The following PTPN18 variants were observed in gnomAD, a reference collection of about 807,000 sequenced individuals.
The protein encoded by PTPN18 is tyrosine-protein phosphatase non-receptor type 18.
Under a neutral mutation model 65.4 loss-of-function variants are expected in PTPN18, and 65 were observed. The ratio of observed to expected loss-of-function variants is 0.99; its 90% CI spans 0.81 to 1.22. The LOEUF (loss-of-function observed/expected upper bound fraction) is 1.22, where lower values mean the gene tolerates loss of function less well. Ranked by LOEUF, PTPN18 falls within the 50% of genes most tolerant of loss-of-function variation. PTPN18 has a pLI of 0.00. For synonymous variants in PTPN18, 255 were observed against 267.8 expected (o/e 0.95, Z 0.47); for missense variants, 616 against 646.5 (o/e 0.95, Z 0.51).
At position 130,371,303 on chromosome 2, in the gene PTPN18, C is replaced by T. The variant is rs1408190854; in HGVS notation, c.1013+16C>T. On this transcript the variant is annotated intron_variant, in intron 12 of 14. Transcript: ENST00000175756. Reference sequence around the variant, plus strand: ...GGGTCCTCAGGTACCCGGCTCCATCCCCGGATTCTTCCCTGCCCAATTTCT... The same window carrying T: ...GGGTCCTCAGGTACCCGGCTCCATCTCCGGATTCTTCCCTGCCCAATTTCT... The T allele has an allele frequency of 1.3e-6, 2 of 1,551,802 alleles. No individual in the cohort carries two copies. Among genetic ancestry groups the T allele is most frequent in the Non-Finnish European group, 1.8e-6 (2 of 1,132,722 alleles).
Position 130,358,900 on chromosome 2 carries a change from G to C in PTPN18, c.127G>C (p.Asp43His), listed in dbSNP as rs1558840350. 1.2e-6 allele frequency: 2 copies of C among 1,613,970 alleles called. No individual in the cohort carries two copies. Among genetic ancestry groups the C allele is most frequent in the Non-Finnish European group, 1.7e-6 (2 of 1,179,840 alleles). Residue 43 changes from aspartate to histidine, a missense_variant, in exon 2 of 15, where the codon GAC becomes CAC. Around this residue, in one of 3 missense-constraint regions of PTPN18, gnomAD observed 223 missense variants for 210.0 expected, o/e 1.06. Transcript: ENST00000175756. ...IQACSAAWKA[D>H]GVCSTVAGSR... Reference sequence around the variant, plus strand: ...GGCCTGCTCGGCCGCCTGGAAGGCTGACGGCGTGTGCTCCACCGTGGCCGG... The same window carrying C: ...GGCCTGCTCGGCCGCCTGGAAGGCTCACGGCGTGTGCTCCACCGTGGCCGG...
rs770040708 is a variant in PTPN18 at position 130,370,929 on chromosome 2, C to T, written c.889C>T (p.Gln297Ter). ...TVAQMFCSTL[Q>*]NASPHYQNIK... is the part of the protein sequence containing the mutation. The stretch of plus-strand genomic sequence containing the variant: ...GGCTCAGATGTTCTGCTCCACACTC[C>T]AGAATGCCAGCCCCCACTACCAGAA... Residue 297 changes from glutamine (Q) to a stop codon, truncating the protein, a stop_gained, in exon 11 of 15, where the codon CAG becomes TAG. Coordinates refer to ENST00000175756, the MANE Select transcript of PTPN18 (RefSeq NM_014369.4). LOFTEE classifies it high-confidence loss of function. 2 of 1,614,164 alleles carry T rather than the reference C, an allele frequency of 1.2e-6. No individual in the cohort carries two copies. Among genetic ancestry groups the T allele is most frequent in the Admixed American group, 3.3e-5 (2 of 60,024 alleles).
intron 11 of PTPN18, 89 bp from the exon 12 acceptor site, chr2:130,371,110 G>C (rs1680550268): frequency 7.2e-7 from 1 of 1,395,240 alleles, no homozygotes; most frequent in East Asian, 2.3e-5. Flanking sequence ...TCCTTATCAG[G>C]CTCTCCCATC....
intron 4 of PTPN18, 41 bp downstream of exon 4, chr2:130,359,533 C>T (rs370830930): frequency 9.9e-6 from 16 of 1,612,222 alleles, no homozygotes; most frequent in Non-Finnish European, 2.5e-6. Context: ...GGGTCAACAT[C>T]TAAGTACCCC....
chr2:130,361,649 G>A lies in PTPN18; in HGVS notation c.414+2003G>A, dbSNP rs945315494. On this transcript the variant is annotated intron_variant, in intron 5 of 14. Transcript: ENST00000175756. Reference sequence around the variant, plus strand: ...GTCACCCAGGCTGGAGTTCAATGGCGCGATCTTGGCTCACTGCAACCTTTG... The same window carrying A: ...GTCACCCAGGCTGGAGTTCAATGGCACGATCTTGGCTCACTGCAACCTTTG... Among the ~76,000 whole-genome samples, 13 of 150,356 alleles carry A rather than the reference G, an allele frequency of 8.6e-5. No homozygotes were observed. The East Asian group carries it at 9.8e-4, about 11-fold the overall frequency.
In PTPN18 at chr2:130,361,567, C is replaced by CTTTCT. The variant is rs1558842357; in HGVS notation, c.414+1924_414+1928dup. On this transcript the variant is annotated intron_variant, in intron 5 of 14. Coordinates refer to ENST00000175756, the MANE Select transcript of PTPN18 (RefSeq NM_014369.4). ...CTTTCTTTCTTTCTTTCTTTCTTTC[C>CTTTCT]TTTCTTTCCTTTCTTTCCTTTCTTT... is the stretch of plus-strand genomic sequence containing the variant. 2.0e-4 allele frequency among the ~76,000 whole-genome samples: 17 copies of CTTTCT among 87,026 alleles called. No homozygotes were observed. The East Asian group carries it at 6.8e-3, about 35-fold the overall frequency. The allele number at this position is 87,026 out of a possible 152,430, so 57.1% of individuals were successfully genotyped here. A position where few individuals can be genotyped will look rare whatever the true frequency, so the allele number is the denominator to read the frequency against.
Position 130,358,968 on chromosome 2 carries a change from G to A in PTPN18, c.195G>A (p.Val65=), listed in dbSNP as rs1230967601. 3 of 1,613,936 alleles carry A rather than the reference G, an allele frequency of 1.9e-6. No homozygotes were observed. Among genetic ancestry groups the A allele is most frequent in the Non-Finnish European group, 2.5e-6 (3 of 1,179,804 alleles). Residue 65 remains valine, a synonymous_variant, in exon 2 of 15, where the codon GTG becomes GTA. Coordinates refer to ENST00000175756, the MANE Select transcript of PTPN18 (RefSeq NM_014369.4). Reference sequence around the variant, plus strand: ...TGAGGAAGAACCGCTACAAAGACGTGCTGCCTTGTAAGTCGGGGCTTCCGT... The same window carrying A: ...TGAGGAAGAACCGCTACAAAGACGTACTGCCTTGTAAGTCGGGGCTTCCGT... ...ENVRKNRYKD[V]LPYDQTRVIL...
chr2:130,374,460 G>A lies in PTPN18; in HGVS notation c.*1236G>A. The A allele has an allele frequency of 2.8e-6, 1 of 357,864 alleles. No homozygotes were observed. Among genetic ancestry groups the A allele is most frequent in the Non-Finnish European group, 5.6e-6 (1 of 177,318 alleles). 22.2% of individuals were successfully genotyped at this position (357,864 alleles called of 1,614,324 possible). A position where few individuals can be genotyped will look rare whatever the true frequency, so the allele number is the denominator to read the frequency against. On this transcript the variant is annotated 3_prime_UTR_variant, in exon 15 of 15. Coordinates refer to ENST00000175756, the MANE Select transcript of PTPN18 (RefSeq NM_014369.4). ...TGAGATTACAGGTGTGAGCCACCAGGCTCAGCCCCCTAAGATTTGAAACAC... is the reference window on the plus strand; with the variant it reads ...TGAGATTACAGGTGTGAGCCACCAGACTCAGCCCCCTAAGATTTGAAACAC...
rs1049094414 is a variant in PTPN18, at chr2:130,363,698, A to T, written c.414+4052A>T. Among the ~76,000 whole-genome samples, 19 of 152,292 alleles carry T rather than the reference A, an allele frequency of 1.2e-4. 1 individual carries two copies. The highest frequency in any genetic ancestry group is 9.8e-4 in the Admixed American group (15 of 15,300). The stretch of plus-strand genomic sequence containing the variant: ...CACATTTTACTTATTGGTTGACAGA[A>T]ATTGGGTTCTTTCTACTTTTTGGCT... On this transcript the variant is annotated intron_variant, in intron 5 of 14. Coordinates refer to ENST00000175756, the MANE Select transcript of PTPN18 (RefSeq NM_014369.4).
At position 130,373,618 on chromosome 2, in the gene PTPN18, T is replaced by A; in HGVS notation, c.*394T>A. 6.1e-6 allele frequency: 1 copy of A among 163,154 alleles called. No homozygotes were observed. The highest frequency in any genetic ancestry group is 1.3e-5 in the Non-Finnish European group (1 of 75,804). The allele number at this position is 163,154 out of a possible 1,614,324, so 10.1% of individuals were successfully genotyped here. A position where few individuals can be genotyped will look rare whatever the true frequency, so the allele number is the denominator to read the frequency against. ...ACCACACAGAGAAGTGGATGGACACTTCGCCATCCAGGCAGAACTAAGCCA... is the reference window on the plus strand; with the variant it reads ...ACCACACAGAGAAGTGGATGGACACATCGCCATCCAGGCAGAACTAAGCCA... On this transcript the variant is annotated 3_prime_UTR_variant, in exon 15 of 15. Transcript: ENST00000175756. The surrounding 1 kb of genome is among the most constrained non-coding windows in gnomAD (Gnocchi z 4.1).
intron 5 of PTPN18, among the ~76,000 whole-genome samples, chr2:130,361,624 G>A (rs925961668): frequency 4.2e-5 from 6 of 142,732 alleles, no homozygotes; most frequent in African/African-American, 1.3e-4. Context: ...AGTTTCCCTC[G>A]TCACCCAGGC....
At position 130,370,631 on chromosome 2, in the gene PTPN18, A is replaced by G. The variant is rs1533566; in HGVS notation, c.756+8A>G. On this transcript the variant is annotated splice_region_variant and intron_variant, in intron 9 of 14. Coordinates refer to ENST00000175756, the MANE Select transcript of PTPN18 (RefSeq NM_014369.4). ...CAGCTGCTCCTGACCCAGGTACGAT[A>G]CAGGCATCCTGTGTGTGCAGTGTGC... 0.023 allele frequency: 36,854 copies of G among 1,613,940 alleles called. 7,118 individuals carry two copies. The African/African-American group carries it at 0.43, about 19-fold the overall frequency.
chr2:130,372,462 A>C lies in PTPN18; in HGVS notation c.1219A>C (p.Arg407=). The change falls in exon 13 of 15, where the codon AGG becomes CGG. Residue 407 remains arginine, a synonymous_variant. Coordinates refer to ENST00000175756, the MANE Select transcript of PTPN18 (RefSeq NM_014369.4). ...QRPGAHAEDA[R]GTLPGRVPAD... is the part of the protein sequence containing the mutation. The stretch of plus-strand genomic sequence containing the variant: ...ACCCGGGGCGCACGCGGAGGACGCG[A>C]GGGGGACGCTGCCTGGCCGCGGTGA... 1 of 1,372,230 alleles carries C rather than the reference A, an allele frequency of 7.3e-7. No individual in the cohort carries two copies. The highest frequency in any genetic ancestry group is 3.7e-5 in the Admixed American group (1 of 26,706). The allele number at this position is 1,372,230 out of a possible 1,614,324, so 85.0% of individuals were successfully genotyped here.
chr2:130,360,417 G>A (rs942264264), intron 5 of PTPN18, among the ~76,000 whole-genome samples: 1 of 152,194 alleles, frequency 6.6e-6, no homozygotes, highest in African/African-American at 2.4e-5. Context: ...CATGGATGGG[G>A]TAGGGGTTCC....
intron 12 of PTPN18, 198 bp from the exon 13 acceptor site, chr2:130,372,059 C>T: frequency 1.8e-6 from 1 of 541,114 alleles, no homozygotes; most frequent in Non-Finnish European, 3.2e-6. Context: ...CAGGCTGACC[C>T]CGTTCCTCCT....
rs745325785 is a variant in PTPN18 at position 130,370,176 on chromosome 2, C to A, written c.675C>A (p.Leu225=). Reference sequence around the variant, plus strand: ...TCCAGGGATCTGGCCCTGAACCCCTCTGTGTCCACTGCAGGTTTTGGAAAT... The same window carrying A: ...TCCAGGGATCTGGCCCTGAACCCCTATGTGTCCACTGCAGGTTTTGGAAAT... ...RRLQGSGPEP[L]CVHCSAGCGR... is the part of the protein sequence containing the mutation. The change falls in exon 8 of 15, where the codon CTC becomes CTA. Residue 225 remains leucine, a synonymous_variant. Coordinates refer to ENST00000175756, the MANE Select transcript of PTPN18 (RefSeq NM_014369.4). The A allele has an allele frequency of 6.2e-6, 10 of 1,611,872 alleles. No homozygotes were observed. The highest frequency in any genetic ancestry group is 8.5e-6 in the Non-Finnish European group (10 of 1,180,028).
At chr2:130,372,672 G>A in intron 13 of PTPN18, 189 bp downstream of exon 13, 1 of 966,468 alleles carries the variant, frequency 1.0e-6, no homozygotes, top group Non-Finnish European at 1.5e-6. Flanking sequence ...TCGCAGTCGC[G>A]GTCCAGGGGC....
chr2:130,358,817 C>T (rs1486773740), intron 1 of PTPN18, 50 bp from the exon 2 acceptor site: 4 of 1,509,662 alleles, frequency 2.6e-6, no homozygotes, highest in African/African-American at 1.4e-5. Flanking sequence ...TCTGACCTGG[C>T]TCCTCTCCTG....
At chr2:130,358,040 G>C (rs1437277473) in intron 1 of PTPN18, among the ~76,000 whole-genome samples, 2 of 152,154 alleles carry the variant, frequency 1.3e-5, no homozygotes, top group Non-Finnish European at 2.9e-5. Flanking sequence ...CATGCGACTG[G>C]GTGGGTTCTG....
Sources: allele counts gnomAD v4.1 joint callset (sites outside exome capture counted in the v4.1 genomes callset), GRCh38; gene constraint gnomAD v4.1.1; regional missense constraint gnomAD v4.1.1; non-coding constraint Gnocchi (gnomAD v3.1); transcripts MANE v1.5; gene names NCBI Gene and HGNC (gene_info 2026-07-23, HGNC 2026-07-21).